NVL: variants seen among roughly 807,000 people sequenced by gnomAD.
NVL encodes nuclear valosin-containing protein-like.
NVL carries 84 observed loss-of-function variants against 110.2 expected under a neutral mutation model. The observed-to-expected ratio is 0.76, with a 90% CI of 0.64 to 0.91. The LOEUF is 0.91. NVL is among the 40% of genes least tolerant of loss of function. NVL has a pLI of 0.00. For missense variants in NVL, 882 were observed against 1,035.9 expected, an observed-to-expected ratio of 0.85 and a Z score of 2.04; for synonymous variants, 354 against 361.1, an observed-to-expected ratio of 0.98 and a Z score of 0.22.
At chr1:224,261,902 A>T (rs571732600) in intron 18 of NVL, among the ~76,000 whole-genome samples, 3 of 152,244 alleles carry the variant, frequency 2.0e-5, no homozygotes, top group Admixed American at 2.0e-4. Context: ...TTGAGGCTGC[A>T]GTGAGTGGTG....
At chr1:224,260,405 C>T (rs553461472) in intron 18 of NVL, among the ~76,000 whole-genome samples, 116 of 152,194 alleles carry the variant, frequency 7.6e-4, no homozygotes, top group Non-Finnish European at 1.4e-3. Flanking sequence ...ACTACAGGCA[C>T]GCGCCACCAT....
At chr1:224,265,202 A>G (rs1044971268) in intron 18 of NVL, among the ~76,000 whole-genome samples, 2 of 152,032 alleles carry the variant, frequency 1.3e-5, no homozygotes, top group African/African-American at 4.8e-5. Context: ...GCCATTCTTA[A>G]CACAGGTTTT....
rs1303552947 is a variant in NVL at position 224,241,449 on chromosome 1, GATA to G, written c.2290-4870_2290-4868del. Among the ~76,000 whole-genome samples, 23 of 152,072 alleles carry G rather than the reference GATA, an allele frequency of 1.5e-4. No individual in the cohort carries two copies. The East Asian group carries it at 3.5e-3, about 23-fold the overall frequency. The stretch of plus-strand genomic sequence containing the variant: ...TTCTTTATGACATTATCTCTATTAC[GATA>G]ATATTATATTATTTTTTAATAAAGG... On this transcript the variant is annotated intron_variant, in intron 19 of 22. Transcript: ENST00000281701.
At chr1:224,268,533 G>C (rs146000474) in intron 17 of NVL, among the ~76,000 whole-genome samples, 56 of 152,238 alleles carry the variant, frequency 3.7e-4, no homozygotes, top group Admixed American at 7.9e-4. Flanking sequence ...ATGGGGTCTT[G>C]CTATGCTGTC....
At chr1:224,327,341 GCTGAGGTGGGAGAATCACTTGA>G (rs1225389997) in intron 1 of NVL, among the ~76,000 whole-genome samples, 2 of 151,614 alleles carry the variant, frequency 1.3e-5, no homozygotes. Context: ...TACATGGGAG[GCTGAGGTGGGAGAATCACTTGA>G]CCCCACGAGT....
At chr1:224,268,229 G>C (rs540717008) in intron 17 of NVL, 96 bp from the exon 18 acceptor site, 1 of 866,414 alleles carries the variant, frequency 1.2e-6, no homozygotes, top group Non-Finnish European at 1.8e-6. Context: ...CCATGCAAAG[G>C]AGATAACAAT....
In NVL at chr1:224,305,342, C is replaced by T. The variant is rs558304793; in HGVS notation, c.616-176G>A. 6.4e-4 allele frequency: 388 copies of T among 609,310 alleles called. 1 individual carries two copies. The highest frequency in any genetic ancestry group is 8.2e-4 in the Non-Finnish European group (295 of 358,694). 37.7% of individuals were successfully genotyped at this position (609,310 alleles called of 1,614,324 possible). On this transcript the variant is annotated intron_variant, in intron 6 of 22. Transcript: ENST00000281701. The stretch of plus-strand genomic sequence containing the variant: ...GCTGTCTATTGTGAAAGTCCTTCTC[C>T]TCATTCCCTTAAAGCTCAGTTTAAA...
In NVL at chr1:224,271,751, G is replaced by A. The variant is rs935218625; in HGVS notation, c.2082+3588C>T. Among the ~76,000 whole-genome samples the A allele has an allele frequency of 3.3e-5, 5 of 152,168 alleles. No homozygotes were observed. In the East Asian group the frequency reaches 7.7e-4, roughly 24 times the overall value. On this transcript the variant is annotated intron_variant, in intron 17 of 22. Coordinates refer to ENST00000281701, the MANE Select transcript of NVL (RefSeq NM_002533.4). ...ACATTTGCCAGGCGCGGTGGCTCAC[G>A]CCTGTAATCTCAACACTTTAGGAGG...
chr1:224,250,195 C>T lies in NVL; in HGVS notation c.2289+17G>A, dbSNP rs909551618. ...CAAGAGAAACATATACAAAAATATA[C>T]CATTTCCTTTACTCACTTTTGTGAT... On this transcript the variant is annotated intron_variant, in intron 19 of 22. Coordinates refer to ENST00000281701, the MANE Select transcript of NVL (RefSeq NM_002533.4). 3 of 1,606,650 alleles carry T rather than the reference C, an allele frequency of 1.9e-6. No homozygotes were observed. Among genetic ancestry groups the T allele is most frequent in the Admixed American group, 1.7e-5 (1 of 58,470 alleles).
chr1:224,292,616 T>C (rs994561727), intron 12 of NVL, among the ~76,000 whole-genome samples: 7 of 152,158 alleles, frequency 4.6e-5, no homozygotes, highest in African/African-American at 1.4e-4. Context: ...CACCTGGATC[T>C]AGCCCCTATC....
chr1:224,236,516 C>G lies in NVL; in HGVS notation c.2356G>C (p.Asp786His). The G allele has an allele frequency of 1.9e-6, 3 of 1,613,238 alleles. 1 individual carries two copies. The highest frequency in any genetic ancestry group is 2.2e-5 in the South Asian group (2 of 91,056). ...LEAIAGDLRC[D>H]CYTGADLSAL... ...GATTTAAACACTTACGTATAGCAAT[C>G]ACAGCGAAGGTCACCAGCAATTGCT... The change falls in exon 20 of 23, where the codon GAT (aspartate) becomes CAT (histidine). Residue 786 changes from aspartate (D) to histidine (H), a missense_variant. Asp to His is a moderately conservative substitution (Grantham distance 81). This residue lies in a region of NVL where 126 missense variants were observed against 140.7 expected (regional missense o/e 0.90). Transcript: ENST00000281701.
chr1:224,281,266 A>C, intron 15 of NVL, 81 bp from the exon 16 acceptor site: 7 of 1,073,834 alleles, frequency 6.5e-6, no homozygotes, highest in Non-Finnish European at 9.9e-6. Context: ...ATGTGTGACA[A>C]TGAAAGGACT....
At chr1:224,272,418 G>A (rs1665219519) in intron 17 of NVL, among the ~76,000 whole-genome samples, 1 of 152,006 alleles carries the variant, frequency 6.6e-6, no homozygotes, top group Non-Finnish European at 1.5e-5. Flanking sequence ...AGGTGAAAAT[G>A]TTAGAAAAGC....
At chr1:224,278,407 G>A (rs1665987713) in intron 16 of NVL, among the ~76,000 whole-genome samples, 1 of 151,404 alleles carries the variant, frequency 6.6e-6, no homozygotes, top group South Asian at 2.1e-4. Flanking sequence ...TAATTTTTTT[G>A]TATTTTTACA....
intron 15 of NVL, 43 bp downstream of exon 15, chr1:224,285,983 G>A (rs1023687061): frequency 2.1e-6 from 3 of 1,404,874 alleles, no homozygotes; most frequent in Middle Eastern, 3.5e-4. Flanking sequence ...TATCCTATCT[G>A]ATACTAAGAA....
rs188800107 is a variant in NVL, at chr1:224,297,374, C to T, written c.1063-756G>A. Reference sequence around the variant, plus strand: ...TTGTTTTTAAGAAATAAACTAGACACGGTTCAGAAAGAATAAGTTAAGATG... The same window carrying T: ...TTGTTTTTAAGAAATAAACTAGACATGGTTCAGAAAGAATAAGTTAAGATG... On this transcript the variant is annotated intron_variant, in intron 10 of 22. Coordinates refer to ENST00000281701, the MANE Select transcript of NVL (RefSeq NM_002533.4). 8.5e-5 allele frequency among the ~76,000 whole-genome samples: 13 copies of T among 152,094 alleles called. No individual in the cohort carries two copies. In the East Asian group the frequency reaches 2.3e-3, roughly 27 times the overall value.
At chr1:224,305,999 TTTTA>T (rs34002115) in intron 6 of NVL, among the ~76,000 whole-genome samples, 139,875 of 152,058 alleles carry the variant, frequency 0.92, 64,548 homozygotes, top group Middle Eastern at 0.98. Context: ...GATATTTGCC[TTTTA>T]TTTCTCACTG....
At chr1:224,287,251 T>C (rs1252429925) in intron 14 of NVL, among the ~76,000 whole-genome samples, 5 of 152,182 alleles carry the variant, frequency 3.3e-5, no homozygotes, top group Non-Finnish European at 5.9e-5. Flanking sequence ...AATTGATGGT[T>C]ACCAGAGGCT....
intron 2 of NVL, among the ~76,000 whole-genome samples, chr1:224,324,134 T>A (rs893962193): frequency 1.3e-5 from 2 of 152,206 alleles, no homozygotes; most frequent in African/African-American, 2.4e-5. Context: ...TACAAACCTA[T>A]ACAGCACATT....
Sources: allele counts gnomAD v4.1 joint callset (sites outside exome capture counted in the v4.1 genomes callset), GRCh38; gene constraint gnomAD v4.1.1; regional missense constraint gnomAD v4.1.1; transcripts MANE v1.5; gene names NCBI Gene and HGNC (gene_info 2026-07-23, HGNC 2026-07-21).